The following OOSP1 variants were observed in gnomAD, a reference collection of about 807,000 sequenced individuals.
OOSP1 encodes oocyte secreted protein 1.
Under a neutral mutation model 5.7 loss-of-function variants are expected in OOSP1, and 11 were observed. The ratio of observed to expected loss-of-function variants is 1.94; its 90% confidence interval spans 1.22 to 3.20. The LOEUF is 3.20. Among genes scored for constraint, OOSP1 ranks in the 30% most tolerant of loss-of-function variants. OOSP1 has a pLI of 0.00. For missense variants in OOSP1, 83 were observed against 54.1 expected (o/e 1.53, Z -1.67); for synonymous variants, 44 against 20.0 (o/e 2.20, Z -3.20).
chr11:59,951,202 C>T (rs923608269), intron 4 of OOSP1, among the ~76,000 whole-genome samples: 13 of 151,300 alleles, frequency 8.6e-5, no homozygotes, highest in Non-Finnish European at 1.8e-4. Flanking sequence ...GGGGTAACCT[C>T]GTATTGCTCA....
intron 2 of OOSP1, among the ~76,000 whole-genome samples, chr11:59,943,484 G>A (rs943301194): frequency 1.3e-5 from 2 of 152,200 alleles, no homozygotes; most frequent in African/African-American, 4.8e-5. Context: ...GACAGAAGCA[G>A]TTAAGAAAGG....
intron 1 of OOSP1, 118 bp downstream of exon 1, chr11:59,938,648 G>C (rs1205371754): frequency 2.5e-6 from 1 of 403,718 alleles, no homozygotes; most frequent in East Asian, 3.6e-5. Context: ...CACATGGAGG[G>C]GTGGTGCCTC....
intron 4 of OOSP1, among the ~76,000 whole-genome samples, chr11:59,956,866 A>G (rs1035382053): frequency 6.6e-6 from 1 of 152,048 alleles, no homozygotes; most frequent in Non-Finnish European, 1.5e-5. Flanking sequence ...CATCCAAGTC[A>G]CTGTGAATAG....
chr11:59,952,389 C>T lies in OOSP1; in HGVS notation c.486+4527C>T, dbSNP rs562991599. 2.0e-5 allele frequency among the ~76,000 whole-genome samples: 3 copies of T among 149,108 alleles called. No homozygotes were observed. The South Asian group carries it at 6.5e-4, about 32-fold the overall frequency. On this transcript the variant is annotated intron_variant, in intron 4 of 4. Transcript: ENST00000646685. ...AAAGATGTGGAACCAACCTAAGTGC[C>T]CACTGACAAATGAGTGGTAAAAAAA...
rs140297487 is a variant in OOSP1, at chr11:59,940,920, C to G, written c.77-1927C>G. Among the ~76,000 whole-genome samples the G allele has an allele frequency of 3.0e-3, 458 of 152,284 alleles. 1 individual carries two copies. The highest frequency in any genetic ancestry group is 5.8e-3 in the Admixed American group (89 of 15,304). On this transcript the variant is annotated intron_variant, in intron 1 of 4. Transcript: ENST00000646685. ...ATTATACTATTTATTCAGCTTCACA[C>G]AATGGTAACATCTTGCAGAAATATA...
chr11:59,945,996 C>T (rs1436142560), intron 3 of OOSP1, among the ~76,000 whole-genome samples: 2 of 151,890 alleles, frequency 1.3e-5, no homozygotes, highest in Admixed American at 1.3e-4. Context: ...ACCACATCTC[C>T]CGAGAACTGT....
chr11:59,940,779 C>G (rs975356744), intron 1 of OOSP1, among the ~76,000 whole-genome samples: 1 of 152,186 alleles, frequency 6.6e-6, no homozygotes, highest in Non-Finnish European at 1.5e-5. Context: ...TTGGTGCTCA[C>G]AGATGTCTTA....
At chr11:59,939,750 C>G (rs537250429) in intron 1 of OOSP1, among the ~76,000 whole-genome samples, 1 of 147,458 alleles carries the variant, frequency 6.8e-6, no homozygotes, top group South Asian at 2.1e-4. Context: ...TTTTCTTTTT[C>G]TCTTCTTTCC....
chr11:59,945,280 G>A lies in OOSP1; in HGVS notation c.356+14G>A, dbSNP rs1268547661. The A allele has an allele frequency of 4.3e-6, 3 of 702,948 alleles. No individual in the cohort carries two copies. The highest frequency in any genetic ancestry group is 7.8e-6 in the Non-Finnish European group (3 of 384,964). 43.5% of individuals were successfully genotyped at this position (702,948 alleles called of 1,614,324 possible). A position where few individuals can be genotyped will look rare whatever the true frequency, so the allele number is the denominator to read the frequency against. On this transcript the variant is annotated intron_variant, in intron 3 of 4. Coordinates refer to ENST00000646685, the Ensembl canonical transcript of OOSP1. ...TGTCGTCCACAAGTGAGTATGGAAT[G>A]CCAAACCCCTGTCCTAGCCCCTGGC...
At chr11:59,942,756 C>T (rs1445023177) in intron 1 of OOSP1, 91 bp from the exon 2 acceptor site, 1 of 608,762 alleles carries the variant, frequency 1.6e-6, no homozygotes, top group Non-Finnish European at 2.9e-6. Flanking sequence ...AAGGGATGAT[C>T]TCTTCATTTG....
At chr11:59,955,801 C>T (rs528201273) in intron 4 of OOSP1, among the ~76,000 whole-genome samples, 1 of 151,956 alleles carries the variant, frequency 6.6e-6, no homozygotes, top group Non-Finnish European at 1.5e-5. Context: ...ACTGACTAAT[C>T]TTTGTATTTT....
chr11:59,952,772 C>T (rs549048655), intron 4 of OOSP1, among the ~76,000 whole-genome samples: 4 of 152,198 alleles, frequency 2.6e-5, no homozygotes, highest in Non-Finnish European at 4.4e-5. Flanking sequence ...ATCACTTGTA[C>T]CCCCAAAGCT....
intron 4 of OOSP1, among the ~76,000 whole-genome samples, chr11:59,952,547 A>C (rs1853950782): frequency 1.3e-5 from 2 of 152,158 alleles, no homozygotes; most frequent in African/African-American, 4.8e-5. Flanking sequence ...ACAAACTAAA[A>C]ACCCTCTGTT....
intron 1 of OOSP1, among the ~76,000 whole-genome samples, chr11:59,940,022 G>C (rs1158492222): frequency 6.6e-6 from 1 of 152,204 alleles, no homozygotes; most frequent in Non-Finnish European, 1.5e-5. Flanking sequence ...TTAAAGGCGT[G>C]AGCCACTGCT....
chr11:59,942,884 C>A (rs1478936385), exon 2 of OOSP1: 6 of 702,466 alleles, frequency 8.5e-6, no homozygotes, highest in Non-Finnish European at 1.6e-5. Context: ...GGTTCTTTGC[C>A]AGGATTAAAC....
intron 4 of OOSP1, among the ~76,000 whole-genome samples, chr11:59,950,288 G>C (rs964953548): frequency 9.2e-5 from 14 of 152,162 alleles, no homozygotes; most frequent in African/African-American, 3.4e-4. Context: ...AGAGGAGAGA[G>C]CAAGTGAGTA....
At chr11:59,955,239 C>T (rs773903127) in intron 4 of OOSP1, among the ~76,000 whole-genome samples, 11 of 152,058 alleles carry the variant, frequency 7.2e-5, no homozygotes, top group Non-Finnish European at 1.6e-4. Context: ...AGCATTTCAT[C>T]AACCATGAAC....
chr11:59,943,908 C>T (rs1853856013), intron 2 of OOSP1, among the ~76,000 whole-genome samples: 1 of 152,046 alleles, frequency 6.6e-6, no homozygotes. Flanking sequence ...AAATAAAACG[C>T]TAAAAGAAGT....
At chr11:59,941,086 A>T (rs1853819798) in intron 1 of OOSP1, among the ~76,000 whole-genome samples, 3 of 152,066 alleles carry the variant, frequency 2.0e-5, no homozygotes, top group Admixed American at 2.0e-4. Context: ...GTTTTCCTTA[A>T]TTTTTGTCAA....
Sources: gnomAD v4.1 joint callset for allele counts (sites outside exome capture counted in the v4.1 genomes callset) on GRCh38, gnomAD v4.1.1 for gene constraint, MANE v1.5 for transcripts, NCBI Gene and HGNC (gene_info 2026-07-23, HGNC 2026-07-21) for gene names.